Variants in TRRAP observed in about 807,000 individuals in gnomAD.
The protein encoded by TRRAP is transformation/transcription domain associated protein.
Under a neutral mutation model 438.8 loss-of-function variants are expected in TRRAP, and 41 were observed. The ratio of observed to expected loss-of-function variants is 0.09; its 90% CI spans 0.07 to 0.12. TRRAP has a LOEUF of 0.12. Among genes scored for constraint, TRRAP ranks in the 10% least tolerant of loss-of-function variants. The pLI, the probability that TRRAP is intolerant of heterozygous loss-of-function variation, is 1.00. For missense variants in TRRAP, 3,122 were observed against 5,055.1 expected, an observed-to-expected ratio of 0.62 and a Z score of 11.60; for synonymous variants, 1,994 against 1,962.9, an observed-to-expected ratio of 1.02 and a Z score of -0.42.
chr7:98,933,114 C>A, intron 26 of TRRAP, 127 bp from the exon 27 acceptor site: 1 of 1,283,608 alleles, frequency 7.8e-7, no homozygotes, highest in Non-Finnish European at 1.0e-6. Context: ...TGAAATGTAT[C>A]TCCCGTTCCC....
At chr7:98,990,939 G>A (rs1192730495) in intron 64 of TRRAP, among the ~76,000 whole-genome samples, 1 of 152,172 alleles carries the variant, frequency 6.6e-6, no homozygotes, top group Non-Finnish European at 1.5e-5. Context: ...CCCTGAGAAT[G>A]ACAGTGAGCC....
At chr7:98,960,688 T>C (rs1256486218) in intron 45 of TRRAP, among the ~76,000 whole-genome samples, 2 of 151,982 alleles carry the variant, frequency 1.3e-5, no homozygotes, top group Non-Finnish European at 2.9e-5. Context: ...ACCTCCCGGG[T>C]TCAAGCGATT....
At chr7:98,988,553 A>G (rs1416455971) in intron 62 of TRRAP, among the ~76,000 whole-genome samples, 1 of 152,200 alleles carries the variant, frequency 6.6e-6, no homozygotes, top group African/African-American at 2.4e-5. Flanking sequence ...AATGTACAGA[A>G]CCGGTCAATC....
At chr7:99,007,440 C>G (rs976239887) in intron 69 of TRRAP, among the ~76,000 whole-genome samples, 6 of 152,182 alleles carry the variant, frequency 3.9e-5, no homozygotes, top group African/African-American at 1.4e-4. Flanking sequence ...CCTCCACCTC[C>G]TGGGTTCAAG....
At chr7:98,885,254 A>ATTT (rs35480952) in intron 3 of TRRAP, among the ~76,000 whole-genome samples, 1 of 147,364 alleles carries the variant, frequency 6.8e-6, no homozygotes. Context: ...TGCTTGGCTA[A>ATTT]TTTTTTTTTT....
intron 14 of TRRAP, 48 bp from the exon 15 acceptor site, chr7:98,910,008 T>A: frequency 6.6e-7 from 1 of 1,524,384 alleles, no homozygotes; most frequent in South Asian, 1.3e-5. Context: ...TTTGGCCTGT[T>A]GAAGAAGAAT....
rs1791029256 is a variant in TRRAP at position 98,945,819 on chromosome 7, CAG to C, written c.4527+20_4527+21del. ...GTTTGAGGTGAGAACAACCTATTAACAGTCAGTTTCTGACTTGCAATGTGAAG... is the reference window on the plus strand; with the variant it reads ...GTTTGAGGTGAGAACAACCTATTAACTCAGTTTCTGACTTGCAATGTGAAG... On this transcript the variant is annotated intron_variant, in intron 32 of 72. Coordinates refer to ENST00000456197, the MANE Select transcript of TRRAP (RefSeq NM_001375524.1). The C allele has an allele frequency of 3.1e-6, 5 of 1,596,932 alleles. No homozygotes were observed. In the East Asian group the frequency reaches 1.1e-4, roughly 36 times the overall value.
chr7:99,009,541 T>C (rs945586455), intron 70 of TRRAP, among the ~76,000 whole-genome samples: 2 of 152,240 alleles, frequency 1.3e-5, no homozygotes, highest in African/African-American at 4.8e-5. Context: ...TCATGGCCTC[T>C]CTTGGGAATT....
In TRRAP at chr7:98,912,002, T is replaced by C. The variant is rs1251925245; in HGVS notation, c.2008-20T>C. On this transcript the variant is annotated intron_variant, in intron 17 of 72. Transcript: ENST00000456197. ...TTGGGGAAGGGATTAATTTTTCACA[T>C]GTGTTTCTTGTATTGACAGATTGTT... 5.0e-6 allele frequency: 8 copies of C among 1,600,360 alleles called. No individual in the cohort carries two copies. The East Asian group carries it at 1.6e-4, about 31-fold the overall frequency.
intron 67 of TRRAP, chr7:98,999,487 A>G (rs1793821850): frequency 1.3e-6 from 1 of 772,966 alleles, no homozygotes; most frequent in Non-Finnish European, 2.3e-6. Context: ...CTGAGAACTT[A>G]TCGTGAGCTC....
rs782736488 is a variant in TRRAP, at chr7:98,948,384, G to A, written c.4668+44G>A. The A allele has an allele frequency of 4.6e-5, 74 of 1,613,238 alleles. No individual in the cohort carries two copies. The highest frequency in any genetic ancestry group is 1.6e-4 in the East Asian group (7 of 44,876). ...GCTGCTTCTCGCTCTGCCACCCTCC[G>A]GTGCTTATAGCGTCCTCACTTGATC... On this transcript the variant is annotated intron_variant, in intron 34 of 72. Coordinates refer to ENST00000456197, the MANE Select transcript of TRRAP (RefSeq NM_001375524.1). The surrounding 1 kb of genome is among the most constrained non-coding windows in gnomAD (Gnocchi z 4.9).
chr7:98,949,987 T>A (rs1791257749), intron 37 of TRRAP, 77 bp from the exon 38 acceptor site: 1 of 1,593,642 alleles, frequency 6.3e-7, no homozygotes, highest in Admixed American at 1.7e-5. Flanking sequence ...CTCTGAGCTG[T>A]TTAAAGGCAA....
intron 29 of TRRAP, 94 bp from the exon 30 acceptor site, chr7:98,937,556 C>A: frequency 7.5e-7 from 1 of 1,333,590 alleles, no homozygotes; most frequent in Non-Finnish European, 1.0e-6. Context: ...TAAAGGAGAA[C>A]GGAAACTTGC....
At chr7:98,984,543 TGAATTAC>T (rs1402673772) in intron 61 of TRRAP, among the ~76,000 whole-genome samples, 185 bp downstream of exon 61, 1 of 152,214 alleles carries the variant, frequency 6.6e-6, no homozygotes, top group Non-Finnish European at 1.5e-5. Context: ...TACTTGACTG[TGAATTAC>T]AGTCTCTTGT....
In TRRAP at chr7:99,005,236, C is replaced by T. The variant is rs768396078; in HGVS notation, c.10641C>T (p.Asp3547=). The change falls in exon 69 of 73, where the codon GAC becomes GAT. Residue 3547 remains aspartate (D), a synonymous_variant. Coordinates refer to ENST00000456197, the MANE Select transcript of TRRAP (RefSeq NM_001375524.1). This position sits in a 1 kb window ranked among gnomAD's most constrained non-coding sequence, Gnocchi z 5.1. The part of the protein sequence containing the change: ...GKIYPYLVMN[D]ACLTESRREE... ...TCTACCCATACCTCGTCATGAACGA[C>T]GCCTGCCTCACAGAGTCACGGCGAG... 3.2e-5 allele frequency: 52 copies of T among 1,614,052 alleles called. No homozygotes were observed. The highest frequency in any genetic ancestry group is 4.0e-5 in the Non-Finnish European group (47 of 1,180,046).
intron 19 of TRRAP, among the ~76,000 whole-genome samples, chr7:98,917,076 T>A (rs1328110583): frequency 6.6e-6 from 1 of 152,164 alleles, no homozygotes; most frequent in Non-Finnish European, 1.5e-5. Flanking sequence ...TACAAAAAAA[T>A]TAGTTTTAAA....
intron 22 of TRRAP, among the ~76,000 whole-genome samples, chr7:98,925,885 C>G (rs1790026931): frequency 6.6e-6 from 1 of 152,028 alleles, no homozygotes; most frequent in Admixed American, 6.6e-5. Context: ...ACCAAATGCA[C>G]AAGGAAGTAA....
Position 98,903,509 on chromosome 7 carries a change from T to C in TRRAP, c.1028T>C (p.Leu343Pro), listed in dbSNP as rs782677796. 1 of 1,614,110 alleles carries C rather than the reference T, an allele frequency of 6.2e-7. No homozygotes were observed. The highest frequency in any genetic ancestry group is 8.5e-7 in the Non-Finnish European group (1 of 1,180,016). Residue 343 changes from leucine (L) to proline (P), a missense_variant, in exon 12 of 73, where the codon CTG becomes CCG. Around this residue, in one of 24 missense-constraint regions of TRRAP, gnomAD observed 343 missense variants for 564.0 expected, o/e 0.61. Transcript: ENST00000456197. ...GCCAAACACATCCTCACCACAGAGC[T>C]GAGAAACCGTACGTCCAGCCTGTCT... ...IAAKHILTTE[L>P]RNQFIPCMDK... is the part of the protein sequence containing the mutation.
chr7:98,935,305 C>T (rs1197771943), intron 27 of TRRAP, among the ~76,000 whole-genome samples: 1 of 151,912 alleles, frequency 6.6e-6, no homozygotes, highest in Non-Finnish European at 1.5e-5. Context: ...GAAAAAAAAA[C>T]GTGATGGTAT....
Sources: gnomAD v4.1 joint callset for allele counts (sites outside exome capture counted in the v4.1 genomes callset) on GRCh38, gnomAD v4.1.1 for gene constraint, gnomAD v4.1.1 regional missense constraint, Gnocchi (gnomAD v3.1) non-coding constraint, MANE v1.5 for transcripts, NCBI Gene and HGNC (gene_info 2026-07-23, HGNC 2026-07-21) for gene names.